SAMD5: variants seen among roughly 807,000 people sequenced by gnomAD.
SAMD5 encodes sterile alpha motif domain-containing protein 5.
A neutral mutation model predicts 11.3 loss-of-function variants in SAMD5; 13 were observed. The observed-to-expected ratio is 1.15, with a 90% CI of 0.75 to 1.83. The LOEUF (loss-of-function observed/expected upper bound fraction) is 1.83, where lower values mean the gene tolerates loss of function less well. SAMD5 is among the 40% of genes most tolerant of loss of function. The pLI is 0.00. For synonymous variants in SAMD5, 129 were observed against 111.3 expected (o/e 1.16, Z -1.00); for missense variants, 255 against 239.1 (o/e 1.07, Z -0.44).
chr6:147,522,180 T>C (rs538971946), intron 1 of SAMD5, among the ~76,000 whole-genome samples: 8 of 152,302 alleles, frequency 5.3e-5, no homozygotes, highest in African/African-American at 1.7e-4. Flanking sequence ...AGCTCTTATT[T>C]CTTTCTTCTA....
At chr6:147,896,755 A>ACCCAAAAAACAAACAAAC in the SAMD5 span, among the ~76,000 whole-genome samples, 1 of 142,424 alleles carries the variant, frequency 7.0e-6, no homozygotes, top group African/African-American at 2.8e-5. Context: ...AAAAAAAAAA[A>ACCCAAAAAACAAACAAAC]AAAAAAAACG....
At chr6:147,607,790 T>C (rs1253878446) in intron 1 of SAMD5, among the ~76,000 whole-genome samples, 1 of 152,036 alleles carries the variant, frequency 6.6e-6, no homozygotes, top group Non-Finnish European at 1.5e-5. Flanking sequence ...TACAGACACA[T>C]CAAGTTAAAA....
At chr6:147,778,961 C>T in the SAMD5 span, among the ~76,000 whole-genome samples, 2 of 148,692 alleles carry the variant, frequency 1.3e-5, no homozygotes, top group Non-Finnish European at 3.0e-5. Flanking sequence ...AACAGGAAGC[C>T]CGCTTGGATT....
the SAMD5 span, among the ~76,000 whole-genome samples, chr6:147,766,104 G>GA: frequency 0.012 from 1,593 of 127,824 alleles, 14 homozygotes; most frequent in Non-Finnish European, 0.021. Flanking sequence ...AGCAATGGAA[G>GA]AAAAAAAAAA....
At chr6:147,574,324 A>G (rs1789183484), downstream of SAMD5, among the ~76,000 whole-genome samples, 1 of 152,306 alleles carries the variant, frequency 6.6e-6, no homozygotes, top group Admixed American at 6.5e-5. Flanking sequence ...TGGGTTTTTC[A>G]TAATTTACCC....
intron 1 of SAMD5, among the ~76,000 whole-genome samples, chr6:147,634,621 T>C (rs887236291): frequency 6.6e-6 from 1 of 152,260 alleles, no homozygotes; most frequent in Middle Eastern, 3.2e-3. Flanking sequence ...TCTTTCGTTT[T>C]CTTGAAGCAT....
At chr6:147,924,973 G>A in the SAMD5 span, among the ~76,000 whole-genome samples, 1 of 151,974 alleles carries the variant, frequency 6.6e-6, no homozygotes, top group Non-Finnish European at 1.5e-5. Flanking sequence ...TTAATGTCTT[G>A]TATTTACTCA....
downstream of SAMD5, among the ~76,000 whole-genome samples, chr6:147,742,092 G>C (rs11155525): frequency 6.6e-6 from 1 of 152,038 alleles, no homozygotes; most frequent in African/African-American, 2.4e-5. Context: ...ACCATGGCCT[G>C]TTTGTGTCAT....
At chr6:147,804,525 C>T in the SAMD5 span, among the ~76,000 whole-genome samples, 3 of 152,212 alleles carry the variant, frequency 2.0e-5, no homozygotes, top group African/African-American at 7.2e-5. Context: ...ATAACAACTG[C>T]TTGTTTAATA....
At chr6:147,643,442 T>C (rs1352414786) in intron 1 of SAMD5, among the ~76,000 whole-genome samples, 3 of 152,158 alleles carry the variant, frequency 2.0e-5, no homozygotes, top group Non-Finnish European at 2.9e-5. Flanking sequence ...GTAGTAGTTC[T>C]ATTCCTTCAT....
intron 1 of SAMD5, among the ~76,000 whole-genome samples, chr6:147,608,619 A>G (rs1210037678): frequency 6.6e-6 from 1 of 152,184 alleles, no homozygotes; most frequent in Non-Finnish European, 1.5e-5. Flanking sequence ...TATAGAGAAT[A>G]GAAGGATGCT....
the SAMD5 span, among the ~76,000 whole-genome samples, chr6:147,770,801 A>G: frequency 4.6e-5 from 7 of 152,336 alleles, no homozygotes; most frequent in Non-Finnish European, 8.8e-5. Context: ...CAGACCTTAG[A>G]CAACTAACCT....
intron 1 of SAMD5, among the ~76,000 whole-genome samples, chr6:147,620,207 C>T (rs903203062): frequency 5.9e-5 from 9 of 152,126 alleles, no homozygotes; most frequent in East Asian, 1.9e-4. Context: ...CCACTCTCCA[C>T]GCCACTTCTG....
the SAMD5 span, among the ~76,000 whole-genome samples, chr6:147,769,078 G>A: frequency 6.6e-6 from 1 of 152,328 alleles, no homozygotes; most frequent in South Asian, 2.1e-4. Flanking sequence ...CCAGGCGTGA[G>A]CCACCACGCC....
At chr6:147,719,132 T>C (rs922339230) in intron 1 of SAMD5, among the ~76,000 whole-genome samples, 12 of 152,212 alleles carry the variant, frequency 7.9e-5, no homozygotes, top group African/African-American at 2.9e-4. Context: ...GAGCAGTCAG[T>C]GCTGTGATGT....
At chr6:147,730,172 A>G (rs1791693507) in intron 1 of SAMD5, 1 of 419,912 alleles carries the variant, frequency 2.4e-6, no homozygotes, top group South Asian at 1.8e-5. Context: ...ATTTCGGGAA[A>G]GAGCCTTGGG....
the SAMD5 span, among the ~76,000 whole-genome samples, chr6:147,812,651 A>G: frequency 2.0e-5 from 3 of 152,208 alleles, no homozygotes; most frequent in African/African-American, 7.2e-5. Context: ...GTGAGGTTGC[A>G]GCTCGCTTCT....
chr6:147,914,533 G>T, the SAMD5 span, among the ~76,000 whole-genome samples: 3 of 152,268 alleles, frequency 2.0e-5, no homozygotes, highest in East Asian at 5.8e-4. Context: ...GTCATTGCTT[G>T]CGGTGAACTC....
At chr6:147,764,842 T>C in the SAMD5 span, among the ~76,000 whole-genome samples, 1 of 152,230 alleles carries the variant, frequency 6.6e-6, no homozygotes, top group Non-Finnish European at 1.5e-5. Flanking sequence ...CATGTAACCA[T>C]GTCCATTAAA....
Sources: gnomAD v4.1 joint callset for allele counts (sites outside exome capture counted in the v4.1 genomes callset) on GRCh38, gnomAD v4.1.1 for gene constraint, MANE v1.5 for transcripts, NCBI Gene and HGNC (gene_info 2026-07-23, HGNC 2026-07-21) for gene names.